The following ZDHHC13 variants were observed in gnomAD, a reference collection of about 807,000 sequenced individuals.
ZDHHC13 encodes the protein palmitoyltransferase ZDHHC13.
In ZDHHC13, 85 loss-of-function variants were observed where a neutral mutation model predicts 86.0. The observed-to-expected ratio is 0.99, with a 90% CI of 0.83 to 1.18. The LOEUF (loss-of-function observed/expected upper bound fraction) is 1.18. Among genes scored for constraint, ZDHHC13 ranks in the 50% most tolerant of loss-of-function variants. ZDHHC13 has a pLI of 0.00. For synonymous variants in ZDHHC13, 263 were observed against 246.4 expected (o/e 1.07, Z -0.63); for missense variants, 711 against 730.2 (o/e 0.97, Z 0.30).
At chr11:19,139,273 GACAA>G (rs1290600604) in intron 1 of ZDHHC13, among the ~76,000 whole-genome samples, 3 of 152,000 alleles carry the variant, frequency 2.0e-5, no homozygotes, top group East Asian at 1.9e-4. Context: ...ACCAACAACA[GACAA>G]ACAGAGAGCC....
intron 1 of ZDHHC13, among the ~76,000 whole-genome samples, chr11:19,138,171 CTAAT>C (rs1470397815): frequency 6.6e-6 from 1 of 151,282 alleles, no homozygotes; most frequent in Non-Finnish European, 1.5e-5. Flanking sequence ...GCTAGCAAGA[CTAAT>C]AAAGAAAAAA....
At chr11:19,129,389 G>A (rs1252260768) in intron 1 of ZDHHC13, among the ~76,000 whole-genome samples, 4 of 152,070 alleles carry the variant, frequency 2.6e-5, no homozygotes, top group Admixed American at 2.0e-4. Flanking sequence ...TAGATTTCTT[G>A]TAAATGTTCT....
chr11:19,163,199 C>CA, intron 10 of ZDHHC13, 104 bp from the exon 11 acceptor site: 1 of 1,234,062 alleles, frequency 8.1e-7, no homozygotes, highest in African/African-American at 1.5e-5. Context: ...GACATGTGTG[C>CA]ATAAGGAAGG....
In ZDHHC13 at chr11:19,143,012, G is replaced by C. The variant is rs369100465; in HGVS notation, c.62G>C (p.Gly21Ala). ...RNHSHGPHPP[G>A]FGRYGICAHE... ...CACAGCCATGGCCCCCACCCTCCAGGATTTGGTCGATATGGCATCTGTGCA... is the reference window on the plus strand; with the variant it reads ...CACAGCCATGGCCCCCACCCTCCAGCATTTGGTCGATATGGCATCTGTGCA... The change falls in exon 2 of 17, where the codon GGA becomes GCA. Residue 21 changes from glycine to alanine, a missense_variant. By Grantham distance (60) the Gly-to-Ala change is moderately conservative. Coordinates refer to ENST00000446113, the MANE Select transcript of ZDHHC13 (RefSeq NM_019028.3). The C allele has an allele frequency of 5.6e-6, 9 of 1,611,392 alleles. No individual in the cohort carries two copies. In the African/African-American group the frequency reaches 1.2e-4, roughly 22 times the overall value.
intron 9 of ZDHHC13, among the ~76,000 whole-genome samples, chr11:19,157,881 A>G (rs1232351603): frequency 1.3e-5 from 2 of 152,184 alleles, no homozygotes; most frequent in Admixed American, 1.3e-4. Context: ...TTCATGGAGG[A>G]AAGCAACTGT....
At chr11:19,170,062 T>C in intron 14 of ZDHHC13, 1 of 1,067,018 alleles carries the variant, frequency 9.4e-7, no homozygotes, top group Non-Finnish European at 1.1e-6. Flanking sequence ...CCATAGTTGC[T>C]ATAAACATGA....
At chr11:19,150,853 G>A in intron 6 of ZDHHC13, 62 bp downstream of exon 6, 1 of 1,439,340 alleles carries the variant, frequency 6.9e-7, no homozygotes, top group South Asian at 1.2e-5. Context: ...TTCTGTGTAT[G>A]TAATTTTAAG....
At chr11:19,159,678 C>A (rs1351320139) in intron 10 of ZDHHC13, among the ~76,000 whole-genome samples, 2 of 151,762 alleles carry the variant, frequency 1.3e-5, no homozygotes, top group Non-Finnish European at 2.9e-5. Context: ...AAAACAAAAA[C>A]AAACAAACAA....
chr11:19,150,400 G>A (rs1401962704), intron 5 of ZDHHC13, among the ~76,000 whole-genome samples: 2 of 152,028 alleles, frequency 1.3e-5, no homozygotes, highest in Admixed American at 6.6e-5. Context: ...TGTCAACTAA[G>A]GTCTCAACTA....
intron 11 of ZDHHC13, 74 bp downstream of exon 11, chr11:19,163,501 A>T: frequency 7.3e-7 from 1 of 1,372,812 alleles, no homozygotes; most frequent in South Asian, 1.9e-5. Flanking sequence ...GCACATATGC[A>T]GATGTGTTGC....
At chr11:19,151,543 A>G (rs1218360144) in intron 6 of ZDHHC13, among the ~76,000 whole-genome samples, 1 of 152,008 alleles carries the variant, frequency 6.6e-6, no homozygotes, top group Non-Finnish European at 1.5e-5. Flanking sequence ...GGTAAATCTG[A>G]AGTCAGGTAT....
chr11:19,130,472 C>G (rs2133371707), intron 1 of ZDHHC13, among the ~76,000 whole-genome samples: 1 of 152,164 alleles, frequency 6.6e-6, no homozygotes, highest in Non-Finnish European at 1.5e-5. Flanking sequence ...AAAGGTTTAT[C>G]ACTTTTATTG....
chr11:19,149,334 A>G lies in ZDHHC13; in HGVS notation c.519+3A>G, dbSNP rs1171356778. The G allele has an allele frequency of 5.7e-6, 9 of 1,575,214 alleles. No homozygotes were observed. The highest frequency in any genetic ancestry group is 6.9e-6 in the Non-Finnish European group (8 of 1,155,648). On this transcript the variant is annotated splice_donor_region_variant and intron_variant, in intron 5 of 16. Coordinates refer to ENST00000446113, the MANE Select transcript of ZDHHC13 (RefSeq NM_019028.3). ...CATATCTCATCTCAAAGGGACAGGT[A>G]TGTTCTGAAATGTGTCTTATACTCC...
intron 1 of ZDHHC13, among the ~76,000 whole-genome samples, chr11:19,133,653 T>C (rs1247339388): frequency 3.9e-5 from 6 of 152,146 alleles, no homozygotes; most frequent in Non-Finnish European, 7.4e-5. Context: ...ATACGTATGA[T>C]AGATTCCATT....
chr11:19,132,427 C>T (rs749677836), intron 1 of ZDHHC13, among the ~76,000 whole-genome samples: 1 of 152,178 alleles, frequency 6.6e-6, no homozygotes, highest in Admixed American at 6.5e-5. Context: ...CATCTTCCTG[C>T]TACGTATAAA....
intron 16 of ZDHHC13, among the ~76,000 whole-genome samples, chr11:19,173,217 ATT>A (rs1389480949): frequency 6.6e-6 from 1 of 152,040 alleles, no homozygotes; most frequent in African/African-American, 2.4e-5. Context: ...CTTTGCCAGG[ATT>A]TTCAGCCTGG....
intron 14 of ZDHHC13, 119 bp from the exon 15 acceptor site, chr11:19,170,292 A>G (rs891032467): frequency 8.8e-5 from 126 of 1,430,452 alleles, no homozygotes; most frequent in Middle Eastern, 2.5e-4. Context: ...AAATTGAATC[A>G]TGATCTGTGC....
At position 19,151,352 on chromosome 11, in the gene ZDHHC13, G is replaced by A. The variant is rs114041985; in HGVS notation, c.584+561G>A. ...TAGTTCAACTTCTGGTATTTATCTAGGCAGATACTTACGACAGTTCTCACT... is the reference window on the plus strand; with the variant it reads ...TAGTTCAACTTCTGGTATTTATCTAAGCAGATACTTACGACAGTTCTCACT... On this transcript the variant is annotated intron_variant, in intron 6 of 16. Coordinates refer to ENST00000446113, the MANE Select transcript of ZDHHC13 (RefSeq NM_019028.3). Among the ~76,000 whole-genome samples the A allele has an allele frequency of 6.9e-3, 1,043 of 152,064 alleles. 9 individuals carry two copies. The highest frequency in any genetic ancestry group is 0.024 in the African/African-American group (984 of 41,520).
chr11:19,126,118 CT>C (rs1370929179), intron 1 of ZDHHC13, among the ~76,000 whole-genome samples: 3 of 151,972 alleles, frequency 2.0e-5, no homozygotes, highest in African/African-American at 7.3e-5. Context: ...AATTTTAAAA[CT>C]TTCTTTTAAA....
Sources: gnomAD v4.1 joint callset for allele counts (sites outside exome capture counted in the v4.1 genomes callset) on GRCh38, gnomAD v4.1.1 for gene constraint, MANE v1.5 for transcripts, NCBI Gene and HGNC (gene_info 2026-07-23, HGNC 2026-07-21) for gene names.